The following RAD51B variants were observed in gnomAD, a reference collection of about 807,000 sequenced individuals.
RAD51B encodes DNA repair protein RAD51 homolog 2.
A neutral mutation model predicts 42.2 loss-of-function variants in RAD51B; 38 were observed. The observed-to-expected ratio is 0.90, with a 90% CI of 0.70 to 1.18. The LOEUF is 1.18. Among genes scored for constraint, RAD51B ranks in the 50% most tolerant of loss-of-function variants. The pLI is 0.00. For synonymous variants in RAD51B, 154 were observed against 145.2 expected, an observed-to-expected ratio of 1.06 and a Z score of -0.43; for missense variants, 373 against 400.7, an observed-to-expected ratio of 0.93 and a Z score of 0.59.
At position 68,282,439 on chromosome 14, in the gene RAD51B, G is replaced by A. The variant is rs369942091; in HGVS notation, c.757-9445G>A. Among the ~76,000 whole-genome samples, 52 of 152,202 alleles carry A rather than the reference G, an allele frequency of 3.4e-4. 3 individuals are homozygous for A. The highest frequency in any genetic ancestry group is 1.3e-3 in the African/African-American group (52 of 41,520). ...TAGCCATTTCAATATATTTGTTCTG[G>A]ACTTGTTCTTCTTATGTGTGTCTCC... On this transcript the variant is annotated intron_variant, in intron 7 of 10. Coordinates refer to ENST00000471583, the MANE Select transcript of RAD51B (RefSeq NM_133510.4).
intron 10 of RAD51B, among the ~76,000 whole-genome samples, chr14:68,551,352 G>C (rs892615505): frequency 1.3e-5 from 2 of 152,200 alleles, no homozygotes; most frequent in African/African-American, 4.8e-5. Context: ...GTCCCTCGCA[G>C]GTTTGATGCC....
intron 10 of RAD51B, among the ~76,000 whole-genome samples, chr14:68,620,908 A>AG (rs1252550946): frequency 6.6e-6 from 1 of 152,212 alleles, no homozygotes; most frequent in African/African-American, 2.4e-5. Context: ...TACAGGAGCC[A>AG]GGGGGTTTTC....
intron 10 of RAD51B, among the ~76,000 whole-genome samples, chr14:68,502,851 G>A (rs988190640): frequency 6.6e-6 from 1 of 152,180 alleles, no homozygotes; most frequent in Non-Finnish European, 1.5e-5. Context: ...ATCCTGTGTG[G>A]ACTCCTTTAT....
chr14:67,972,492 G>C (rs2074917951), intron 7 of RAD51B, among the ~76,000 whole-genome samples: 1 of 152,086 alleles, frequency 6.6e-6, no homozygotes. Flanking sequence ...GTCTATGTCT[G>C]CCAAAGTAAA....
At chr14:68,339,076 C>T (rs991344860) in intron 8 of RAD51B, 1 of 679,574 alleles carries the variant, frequency 1.5e-6, no homozygotes, top group Middle Eastern at 4.0e-4. Flanking sequence ...ACCAGCTGAG[C>T]TTTCTTGTTC....
chr14:67,965,172 C>T (rs1030280958), intron 7 of RAD51B, among the ~76,000 whole-genome samples: 1 of 152,128 alleles, frequency 6.6e-6, no homozygotes, highest in Non-Finnish European at 1.5e-5. Context: ...AAACACCCTC[C>T]CTCCCTTCCT....
chr14:67,990,472 T>G (rs1047135120), intron 7 of RAD51B, among the ~76,000 whole-genome samples: 1 of 152,238 alleles, frequency 6.6e-6, no homozygotes, highest in African/African-American at 2.4e-5. Context: ...TTCCTTACTT[T>G]GTAGGGAGGA....
chr14:67,884,046 T>C (rs1718446288), intron 5 of RAD51B, among the ~76,000 whole-genome samples: 1 of 152,232 alleles, frequency 6.6e-6, no homozygotes, highest in African/African-American at 2.4e-5. Context: ...AAGAAGTTAC[T>C]AGGATGAATG....
chr14:68,547,147 G>A (rs1047836962), intron 10 of RAD51B, among the ~76,000 whole-genome samples: 1 of 152,150 alleles, frequency 6.6e-6, no homozygotes, highest in Non-Finnish European at 1.5e-5. Flanking sequence ...CCCACACTTC[G>A]GGATCTGAGT....
At chr14:68,259,370 G>A (rs1359163852) in intron 7 of RAD51B, among the ~76,000 whole-genome samples, 1 of 152,010 alleles carries the variant, frequency 6.6e-6, no homozygotes, top group East Asian at 1.9e-4. Context: ...GTTAATGGGT[G>A]CAGCATACCA....
intron 7 of RAD51B, among the ~76,000 whole-genome samples, chr14:67,953,320 T>G (rs1234339523): frequency 1.3e-5 from 2 of 151,704 alleles, no homozygotes; most frequent in Non-Finnish European, 2.9e-5. Flanking sequence ...GGAGCAGAGG[T>G]GGAGATGTAG....
At chr14:68,097,611 G>A (rs1158238947) in intron 7 of RAD51B, among the ~76,000 whole-genome samples, 1 of 152,066 alleles carries the variant, frequency 6.6e-6, no homozygotes, top group Non-Finnish European at 1.5e-5. Flanking sequence ...GCACAACTTT[G>A]CCTAAGGAGA....
intron 7 of RAD51B, among the ~76,000 whole-genome samples, chr14:68,064,888 C>T (rs1450963478): frequency 3.3e-5 from 5 of 152,072 alleles, no homozygotes; most frequent in East Asian, 3.8e-4. Context: ...TCTATTTTAT[C>T]GAATTGTCTA....
intron 7 of RAD51B, among the ~76,000 whole-genome samples, chr14:68,061,053 CTTTTTTTTTTTT>C (rs755916680): frequency 1.4e-4 from 14 of 101,286 alleles, no homozygotes; most frequent in African/African-American, 2.3e-4. Flanking sequence ...TATTTGAGGT[CTTTTTTTTTTTT>C]TTTTTTTTTT....
chr14:68,549,409 ATTTTTTTTTTTT>A (rs71129897), intron 10 of RAD51B, among the ~76,000 whole-genome samples: 1 of 63,576 alleles, frequency 1.6e-5, no homozygotes, highest in African/African-American at 4.8e-5. Context: ...CCCTGGACAC[ATTTTTTTTTTTT>A]TTTTTTTTTT....
intron 7 of RAD51B, among the ~76,000 whole-genome samples, chr14:68,164,471 A>G (rs2078709020): frequency 6.6e-6 from 1 of 152,188 alleles, no homozygotes; most frequent in Non-Finnish European, 1.5e-5. Context: ...TAAAAAACAA[A>G]CAAGATTTAA....
intron 7 of RAD51B, among the ~76,000 whole-genome samples, chr14:68,086,364 C>T (rs578169778): frequency 6.6e-6 from 1 of 152,174 alleles, no homozygotes; most frequent in South Asian, 2.1e-4. Flanking sequence ...ACCATGTGTC[C>T]GCCTGCTAGG....
intron 7 of RAD51B, among the ~76,000 whole-genome samples, chr14:68,228,458 A>G (rs534497890): frequency 3.0e-4 from 45 of 152,206 alleles, no homozygotes; most frequent in Non-Finnish European, 6.3e-4. Flanking sequence ...AGATTTATAC[A>G]ACCTATTTCA....
intron 7 of RAD51B, among the ~76,000 whole-genome samples, chr14:68,276,823 G>A (rs1477514320): frequency 1.3e-5 from 2 of 152,196 alleles, no homozygotes; most frequent in Non-Finnish European, 2.9e-5. Flanking sequence ...CAGAAAGAGG[G>A]TAGGGAAGAA....
Sources: allele counts gnomAD v4.1 joint callset (sites outside exome capture counted in the v4.1 genomes callset), GRCh38; gene constraint gnomAD v4.1.1; transcripts MANE v1.5; gene names NCBI Gene and HGNC (gene_info 2026-07-23, HGNC 2026-07-21).